The following RAB38 variants were observed in gnomAD, a reference collection of about 807,000 sequenced individuals.
RAB38 encodes ras-related protein Rab-38.
A neutral mutation model predicts 18.4 loss-of-function variants in RAB38; 15 were observed. The observed-to-expected ratio is 0.82, with a 90% CI of 0.55 to 1.26. The LOEUF (loss-of-function observed/expected upper bound fraction) is 1.26, where lower values mean the gene tolerates loss of function less well. RAB38 is among the 50% of genes most tolerant of loss of function. The pLI is 0.00. For synonymous variants in RAB38, 101 were observed against 104.4 expected, an observed-to-expected ratio of 0.97 and a Z score of 0.20; for missense variants, 294 against 267.4, an observed-to-expected ratio of 1.10 and a Z score of -0.69.
the RAB38 span, among the ~76,000 whole-genome samples, chr11:88,063,768 C>T: frequency 2.0e-5 from 3 of 152,164 alleles, no homozygotes; most frequent in Non-Finnish European, 1.5e-5. Flanking sequence ...CTCTTGCCTG[C>T]CATCATGTAA....
the RAB38 span, among the ~76,000 whole-genome samples, chr11:88,031,817 C>T: frequency 6.6e-6 from 1 of 152,126 alleles, no homozygotes; most frequent in African/African-American, 2.4e-5. Context: ...AGGTAATTTA[C>T]AGATTCAATA....
chr11:87,938,504 A>G, the RAB38 span, among the ~76,000 whole-genome samples: 1 of 151,972 alleles, frequency 6.6e-6, no homozygotes, highest in South Asian at 2.1e-4. Flanking sequence ...CACTTGCGTT[A>G]ACTGCTATGC....
At chr11:88,124,076 T>C (rs1451724179) in intron 2 of RAB38, among the ~76,000 whole-genome samples, 1 of 152,208 alleles carries the variant, frequency 6.6e-6, no homozygotes. Flanking sequence ...AATGTTACCT[T>C]GGGTGAAAAC....
chr11:87,825,839 ACAT>A, the RAB38 span, among the ~76,000 whole-genome samples: 2 of 152,160 alleles, frequency 1.3e-5, no homozygotes, highest in Non-Finnish European at 2.9e-5. Context: ...AGTAATAGGG[ACAT>A]CATTTTTAAA....
the RAB38 span, among the ~76,000 whole-genome samples, chr11:87,811,453 C>G: frequency 9.9e-5 from 15 of 152,252 alleles, no homozygotes; most frequent in Admixed American, 2.6e-4. Context: ...TATAAAATAC[C>G]TACACAATTG....
chr11:88,136,017 A>G (rs1010763799), intron 2 of RAB38, among the ~76,000 whole-genome samples: 3 of 152,204 alleles, frequency 2.0e-5, no homozygotes, highest in Non-Finnish European at 2.9e-5. Context: ...ATTATTCTCA[A>G]AAAGTGACTC....
At chr11:87,879,122 C>A in the RAB38 span, among the ~76,000 whole-genome samples, 1 of 151,236 alleles carries the variant, frequency 6.6e-6, no homozygotes, top group Non-Finnish European at 1.5e-5. Context: ...AATATAATTA[C>A]TTTTATATTA....
chr11:87,814,463 C>T, the RAB38 span, among the ~76,000 whole-genome samples: 3 of 152,100 alleles, frequency 2.0e-5, no homozygotes, highest in Admixed American at 1.3e-4. Flanking sequence ...TACAATTAAG[C>T]AATTACAGTA....
chr11:87,946,429 G>A, the RAB38 span, among the ~76,000 whole-genome samples: 1 of 152,088 alleles, frequency 6.6e-6, no homozygotes, highest in Non-Finnish European at 1.5e-5. Flanking sequence ...TAGGGTACAT[G>A]TGCACAACGT....
At chr11:87,964,548 C>CA in the RAB38 span, among the ~76,000 whole-genome samples, 1 of 151,882 alleles carries the variant, frequency 6.6e-6, no homozygotes, top group African/African-American at 2.4e-5. Context: ...CTACAAAGTG[C>CA]AAAACGACAT....
the RAB38 span, among the ~76,000 whole-genome samples, chr11:87,810,225 C>A: frequency 6.6e-6 from 1 of 152,096 alleles, no homozygotes; most frequent in East Asian, 1.9e-4. Context: ...CTTTCTATCA[C>A]TATAAACTTG....
chr11:87,835,401 C>A, the RAB38 span, among the ~76,000 whole-genome samples: 5 of 152,062 alleles, frequency 3.3e-5, no homozygotes, highest in African/African-American at 1.2e-4. Flanking sequence ...GAATAAACTC[C>A]CTACTGTCTC....
At chr11:87,879,044 A>AG in the RAB38 span, among the ~76,000 whole-genome samples, 3 of 141,208 alleles carry the variant, frequency 2.1e-5, no homozygotes, top group Non-Finnish European at 4.6e-5. Context: ...AGAAATGTTG[A>AG]GGAGAGGAGT....
chr11:87,897,994 T>C, the RAB38 span, among the ~76,000 whole-genome samples: 1 of 151,622 alleles, frequency 6.6e-6, no homozygotes, highest in African/African-American at 2.4e-5. Context: ...GCTCTATAAA[T>C]ATCTATTTTT....
chr11:88,092,696 A>G, the RAB38 span, among the ~76,000 whole-genome samples: 38 of 151,726 alleles, frequency 2.5e-4, no homozygotes, highest in East Asian at 7.0e-3. Context: ...GTGTATATAT[A>G]TAAAACATAT....
At chr11:88,049,491 C>A in the RAB38 span, among the ~76,000 whole-genome samples, 2 of 151,868 alleles carry the variant, frequency 1.3e-5, no homozygotes, top group Admixed American at 1.3e-4. Context: ...CTTTACCTAC[C>A]CAAATCTTAT....
At chr11:88,014,742 G>T in the RAB38 span, among the ~76,000 whole-genome samples, 2 of 152,062 alleles carry the variant, frequency 1.3e-5, no homozygotes, top group African/African-American at 2.4e-5. Flanking sequence ...ATACTGATTG[G>T]CTTAAGAATG....
At chr11:88,060,934 G>GT in the RAB38 span, among the ~76,000 whole-genome samples, 1 of 152,152 alleles carries the variant, frequency 6.6e-6, no homozygotes, top group Non-Finnish European at 1.5e-5. Context: ...ATAAAACATT[G>GT]TACCTTTAAG....
chr11:87,953,469 G>A, the RAB38 span, among the ~76,000 whole-genome samples: 1 of 151,928 alleles, frequency 6.6e-6, no homozygotes, highest in East Asian at 1.9e-4. Flanking sequence ...ATTTAACTGT[G>A]GTCTGAAAAT....
Sources: allele counts gnomAD v4.1 joint callset (sites outside exome capture counted in the v4.1 genomes callset), GRCh38; gene constraint gnomAD v4.1.1; transcripts MANE v1.5; gene names NCBI Gene and HGNC (gene_info 2026-07-23, HGNC 2026-07-21).